Variants in AGBL4 observed in about 807,000 individuals in gnomAD.
AGBL4 encodes cytosolic carboxypeptidase 6.
A neutral mutation model predicts 66.4 loss-of-function variants in AGBL4; 58 were observed. The observed-to-expected ratio is 0.87, with a 90% confidence interval of 0.71 to 1.09. The LOEUF is 1.09. Among genes scored for constraint, AGBL4 ranks in the 50% least tolerant of loss-of-function variants. The probability of loss-of-function intolerance (pLI) is 0.00; values close to 1 mark genes in which losing one functional copy is unlikely to be tolerated. For missense variants in AGBL4, 579 were observed against 631.0 expected (o/e 0.92, Z 0.88); for synonymous variants, 234 against 222.9 (o/e 1.05, Z -0.44).
chr1:48,945,443 A>G (rs1396151839), intron 5 of AGBL4, among the ~76,000 whole-genome samples: 2 of 152,162 alleles, frequency 1.3e-5, no homozygotes, highest in Non-Finnish European at 1.5e-5. Context: ...TTCCTGCTGC[A>G]TTTGCCCAAA....
chr1:49,767,648 G>A (rs778519826), intron 2 of AGBL4, among the ~76,000 whole-genome samples: 4 of 151,870 alleles, frequency 2.6e-5, no homozygotes, highest in Non-Finnish European at 5.9e-5. Flanking sequence ...CTATACAAAT[G>A]ATCAACAAAA....
At chr1:49,237,515 T>C (rs1650862896) in intron 4 of AGBL4, among the ~76,000 whole-genome samples, 1 of 136,660 alleles carries the variant, frequency 7.3e-6, no homozygotes, top group Non-Finnish European at 1.5e-5. Context: ...TATTACATTA[T>C]ATATATATAT....
chr1:49,109,644 ATTG>A (rs919633593), intron 4 of AGBL4, among the ~76,000 whole-genome samples: 4 of 152,144 alleles, frequency 2.6e-5, no homozygotes, highest in African/African-American at 7.2e-5. Flanking sequence ...TGTTAATTTT[ATTG>A]TTGTTGTGAA....
At chr1:49,214,202 T>C (rs930987410) in intron 4 of AGBL4, among the ~76,000 whole-genome samples, 2 of 152,012 alleles carry the variant, frequency 1.3e-5, no homozygotes, top group Non-Finnish European at 2.9e-5. Context: ...ATTTGGGAAA[T>C]AATTTTAGTA....
intron 5 of AGBL4, among the ~76,000 whole-genome samples, chr1:49,030,501 G>A (rs1664121058): frequency 6.6e-6 from 1 of 152,128 alleles, no homozygotes; most frequent in Non-Finnish European, 1.5e-5. Flanking sequence ...AGCAGGAGGT[G>A]AGTGGCAGGC....
rs1216389901 is a variant in AGBL4, at chr1:48,867,248, C to T, written c.595-18G>A. On this transcript the variant is annotated intron_variant, in intron 5 of 13. Transcript: ENST00000371839. ...CGTTGTTGCTGCAAAAGAAAACACA[C>T]TGTGAGGGCACTGATTTGAGCCAGA... 5.6e-6 allele frequency: 9 copies of T among 1,612,906 alleles called. 1 individual carries two copies. In the South Asian group the frequency reaches 8.8e-5, roughly 16 times the overall value.
At chr1:48,806,142 C>T (rs1645918252) in intron 6 of AGBL4, among the ~76,000 whole-genome samples, 1 of 152,132 alleles carries the variant, frequency 6.6e-6, no homozygotes, top group South Asian at 2.1e-4. Flanking sequence ...AAAATAATCA[C>T]ACCTTTCACA....
chr1:48,746,887 G>A (rs1398866526), intron 6 of AGBL4, among the ~76,000 whole-genome samples: 2 of 149,044 alleles, frequency 1.3e-5, no homozygotes, highest in African/African-American at 4.8e-5. Context: ...AATCAACAGA[G>A]CGCAATGTTT....
chr1:49,572,947 C>A (rs1241959884), intron 3 of AGBL4, among the ~76,000 whole-genome samples: 1 of 152,052 alleles, frequency 6.6e-6, no homozygotes, highest in Non-Finnish European at 1.5e-5. Flanking sequence ...TCTGGCCTAG[C>A]CTCCCAGCCT....
chr1:48,704,438 A>T (rs965940802), intron 6 of AGBL4, among the ~76,000 whole-genome samples: 6 of 152,172 alleles, frequency 3.9e-5, no homozygotes, highest in African/African-American at 7.2e-5. Context: ...TAAACTTTTA[A>T]TTTTTTTAAC....
At position 49,490,557 on chromosome 1, in the gene AGBL4, A is replaced by T. The variant is rs181795797; in HGVS notation, c.282+206756T>A. On this transcript the variant is annotated intron_variant, in intron 3 of 13. Coordinates refer to ENST00000371839, the MANE Select transcript of AGBL4 (RefSeq NM_032785.4). ...TGCTAGCCTCTTTAAATGCTTGTTT[A>T]TTTTTGTTTTAACTTACAGACATAC... Among the ~76,000 whole-genome samples the T allele has an allele frequency of 2.0e-3, 297 of 151,772 alleles. 3 individuals are homozygous for T. The highest frequency in any genetic ancestry group is 6.9e-3 in the African/African-American group (287 of 41,494).
intron 1 of AGBL4, among the ~76,000 whole-genome samples, chr1:49,938,029 G>A (rs1200669226): frequency 0.069 from 10,025 of 144,750 alleles, 498 homozygotes; most frequent in African/African-American, 0.13. Context: ...GACAAAAAAA[G>A]CCCTTGAAAA....
intron 3 of AGBL4, among the ~76,000 whole-genome samples, chr1:49,274,190 T>C (rs1644119067): frequency 6.6e-6 from 1 of 152,218 alleles, no homozygotes; most frequent in Non-Finnish European, 1.5e-5. Flanking sequence ...TGATATCAAC[T>C]GTTTTAAATC....
At chr1:49,020,650 A>C (rs1663175559) in intron 5 of AGBL4, among the ~76,000 whole-genome samples, 1 of 152,094 alleles carries the variant, frequency 6.6e-6, no homozygotes, top group Non-Finnish European at 1.5e-5. Flanking sequence ...GCCTGAGGTA[A>C]GGGCAGCCAG....
chr1:49,000,318 A>C (rs1246284541), intron 5 of AGBL4, among the ~76,000 whole-genome samples: 1 of 152,084 alleles, frequency 6.6e-6, no homozygotes, highest in Admixed American at 6.6e-5. Flanking sequence ...CTTTATGATC[A>C]AGTGATCTCC....
At chr1:49,220,474 T>C (rs1649410932) in intron 4 of AGBL4, among the ~76,000 whole-genome samples, 2 of 152,196 alleles carry the variant, frequency 1.3e-5, no homozygotes, top group Admixed American at 1.3e-4. Flanking sequence ...TTAAAAATTA[T>C]AGAAAAGATT....
At chr1:49,738,254 A>G (rs139811723) in intron 2 of AGBL4, among the ~76,000 whole-genome samples, 1 of 152,180 alleles carries the variant, frequency 6.6e-6, no homozygotes, top group African/African-American at 2.4e-5. Flanking sequence ...ACACAAGGAG[A>G]TTGTATCCCG....
intron 1 of AGBL4, among the ~76,000 whole-genome samples, chr1:49,910,401 G>A (rs1650696862): frequency 6.6e-6 from 1 of 152,194 alleles, no homozygotes; most frequent in Non-Finnish European, 1.5e-5. Context: ...CTTCAGTGGA[G>A]TAGTGGGCAA....
At position 49,045,567 on chromosome 1, in the gene AGBL4, CCTGGCACAGGCCTTACCACA is replaced by C. The variant is rs1408092393; in HGVS notation, c.591_594+16del. 4 of 1,599,662 alleles carry C rather than the reference CCTGGCACAGGCCTTACCACA, an allele frequency of 2.5e-6. No homozygotes were observed. Among genetic ancestry groups the C allele is most frequent in the Non-Finnish European group, 3.4e-6 (4 of 1,172,348 alleles). ...CCTGTTTCCAAATGAGTAACCCAAA[CCTGGCACAGGCCTTACCACA>C]CTCTGGCCCAGCTGCTCCCGAAAGA... On this transcript the variant is annotated splice_donor_variant and splice_donor_5th_base_variant and coding_sequence_variant and intron_variant, in exon 5 of 14. Coordinates refer to ENST00000371839, the MANE Select transcript of AGBL4 (RefSeq NM_032785.4). LOFTEE classifies it high-confidence loss of function.
Sources: gnomAD v4.1 joint callset for allele counts (sites outside exome capture counted in the v4.1 genomes callset) on GRCh38, gnomAD v4.1.1 for gene constraint, MANE v1.5 for transcripts, NCBI Gene and HGNC (gene_info 2026-07-23, HGNC 2026-07-21) for gene names.